The following ZNF407 variants were observed in gnomAD, a reference collection of about 807,000 sequenced individuals.
ZNF407 encodes the protein zinc finger protein 407.
Under a neutral mutation model 131.2 loss-of-function variants are expected in ZNF407, and 17 were observed. The observed-to-expected ratio is 0.13, with a 90% CI of 0.09 to 0.19. ZNF407 has a LOEUF of 0.19. Ranked by LOEUF, ZNF407 falls within the 10% of genes least tolerant of loss-of-function variation. The probability of loss-of-function intolerance (pLI) is 1.00; values close to 1 mark genes in which losing one functional copy is unlikely to be tolerated. For synonymous variants in ZNF407, 1,156 were observed against 1,062.0 expected (o/e 1.09, Z -1.72); for missense variants, 2,681 against 2,830.6 (o/e 0.95, Z 1.20).
chr18:75,065,339 G>T lies in ZNF407; in HGVS notation c.*871G>T, dbSNP rs1307639619. ...GTTTGTTCATATTGATGCCATTTTT[G>T]CAGGATTTCTTCGTGATTTCTGTCC... On this transcript the variant is annotated 3_prime_UTR_variant, in exon 9 of 9. Transcript: ENST00000299687. 1 of 152,110 alleles carries T rather than the reference G, an allele frequency of 6.6e-6. No homozygotes were observed. The highest frequency in any genetic ancestry group is 1.5e-5 in the Non-Finnish European group (1 of 68,016). 9.4% of individuals were successfully genotyped at this position (152,110 alleles called of 1,614,324 possible).
At chr18:74,749,381 G>A (rs1344294401) in intron 3 of ZNF407, among the ~76,000 whole-genome samples, 2 of 152,078 alleles carry the variant, frequency 1.3e-5, no homozygotes, top group Non-Finnish European at 2.9e-5. Context: ...GTTGGGTATG[G>A]CCTGTATCAA....
chr18:74,612,686 G>T (rs1207524485), intron 1 of ZNF407, among the ~76,000 whole-genome samples: 3 of 152,200 alleles, frequency 2.0e-5, no homozygotes, highest in Admixed American at 1.3e-4. Flanking sequence ...GAGTTTATAT[G>T]CCATTAAATG....
At chr18:74,648,023 A>G (rs925710812) in intron 3 of ZNF407, among the ~76,000 whole-genome samples, 1 of 152,168 alleles carries the variant, frequency 6.6e-6, no homozygotes, top group African/African-American at 2.4e-5. Context: ...TCTGAAGTGT[A>G]TGTGACTAAC....
intron 8 of ZNF407, among the ~76,000 whole-genome samples, chr18:74,972,265 C>T (rs973772867): frequency 6.6e-6 from 1 of 152,188 alleles, no homozygotes; most frequent in Non-Finnish European, 1.5e-5. Context: ...TTTTACTTTA[C>T]TAATTTTACT....
chr18:75,026,402 CATCTT>C (rs1377851977), intron 8 of ZNF407, among the ~76,000 whole-genome samples: 59 of 152,332 alleles, frequency 3.9e-4, no homozygotes, highest in African/African-American at 1.4e-3. Flanking sequence ...TATTTGCACA[CATCTT>C]ATCCCCTGAA....
intron 1 of ZNF407, among the ~76,000 whole-genome samples, chr18:74,601,329 CTGTG>C (rs60358173): frequency 0.15 from 22,049 of 144,340 alleles, 1,644 homozygotes; most frequent in Non-Finnish European, 0.18. Flanking sequence ...GTGTGTATGT[CTGTG>C]TGTGTGTGTG....
chr18:74,699,174 T>A (rs1967433211), intron 3 of ZNF407, among the ~76,000 whole-genome samples: 1 of 152,108 alleles, frequency 6.6e-6, no homozygotes, highest in Non-Finnish European at 1.5e-5. Context: ...TTCCTGTGAG[T>A]AAACAAATAT....
At chr18:74,983,059 C>G (rs1276564835) in intron 8 of ZNF407, among the ~76,000 whole-genome samples, 2 of 152,172 alleles carry the variant, frequency 1.3e-5, no homozygotes, top group Admixed American at 1.3e-4. Flanking sequence ...AAAAACCAAG[C>G]CAACTAGTTA....
chr18:75,052,659 C>T (rs924871664), intron 8 of ZNF407, among the ~76,000 whole-genome samples: 1 of 152,198 alleles, frequency 6.6e-6, no homozygotes, highest in Non-Finnish European at 1.5e-5. Context: ...AGGCGTCAGC[C>T]GCCTGATAGA....
chr18:74,624,200 T>C (rs1313272127), intron 1 of ZNF407, among the ~76,000 whole-genome samples: 1 of 152,146 alleles, frequency 6.6e-6, no homozygotes, highest in African/African-American at 2.4e-5. Flanking sequence ...GGCTTTCTGG[T>C]TCATGATAAG....
At chr18:75,025,131 T>C (rs1973156579) in intron 8 of ZNF407, among the ~76,000 whole-genome samples, 2 of 152,192 alleles carry the variant, frequency 1.3e-5, no homozygotes, top group African/African-American at 4.8e-5. Context: ...AAGCTAAAAC[T>C]CAAGATCAAT....
At position 75,047,721 on chromosome 18, in the gene ZNF407, C is replaced by T. The variant is rs531887631; in HGVS notation, c.5429-15429C>T. 5.9e-5 allele frequency among the ~76,000 whole-genome samples: 9 copies of T among 152,342 alleles called. No individual in the cohort carries two copies. The East Asian group carries it at 1.5e-3, about 26-fold the overall frequency. ...CACCAGCGTAATGCAAACGTACAAG[C>T]ACAGTAATCAAATGGACATATATAA... On this transcript the variant is annotated intron_variant, in intron 8 of 8. Coordinates refer to ENST00000299687, the MANE Select transcript of ZNF407 (RefSeq NM_017757.3).
intron 8 of ZNF407, among the ~76,000 whole-genome samples, chr18:75,041,091 C>G (rs1475432441): frequency 6.6e-6 from 1 of 152,202 alleles, no homozygotes; most frequent in Non-Finnish European, 1.5e-5. Flanking sequence ...CTAATACTCG[C>G]AGTATCCCGC....
chr18:74,916,629 A>AGTGTGT (rs111309427), intron 7 of ZNF407, among the ~76,000 whole-genome samples: 14 of 59,484 alleles, frequency 2.4e-4, no homozygotes, highest in African/African-American at 8.7e-4. Flanking sequence ...TCGAATCGGG[A>AGTGTGT]GTGTGTGTGT....
chr18:74,810,297 A>G (rs1211360461), intron 4 of ZNF407, among the ~76,000 whole-genome samples: 1 of 151,918 alleles, frequency 6.6e-6, no homozygotes, highest in Non-Finnish European at 1.5e-5. Context: ...TTGTGTGGAT[A>G]TTTTAAATCT....
chr18:74,769,867 C>G, intron 3 of ZNF407, among the ~76,000 whole-genome samples: 1 of 152,124 alleles, frequency 6.6e-6, no homozygotes, highest in African/African-American at 2.4e-5. Context: ...AAAAATAATG[C>G]AGCAGACACC....
At chr18:74,733,275 C>T (rs538226402) in intron 3 of ZNF407, among the ~76,000 whole-genome samples, 12 of 152,256 alleles carry the variant, frequency 7.9e-5, no homozygotes, top group African/African-American at 2.9e-4. Context: ...GCCTGAACCT[C>T]TTTCTATACT....
rs763287789 is a variant in ZNF407 at position 74,897,483 on chromosome 18, G to A, written c.5249+7445G>A. 3.9e-5 allele frequency among the ~76,000 whole-genome samples: 6 copies of A among 152,074 alleles called. No individual in the cohort carries two copies. The South Asian group carries it at 6.2e-4, about 16-fold the overall frequency. ...TTATTAAACCTGCTGTTGTTGAATCGCAAATCCAGTCATTATAAAAGGACC... is the reference window on the plus strand; with the variant it reads ...TTATTAAACCTGCTGTTGTTGAATCACAAATCCAGTCATTATAAAAGGACC... On this transcript the variant is annotated intron_variant, in intron 7 of 8. Transcript: ENST00000299687.
At chr18:74,675,823 C>T (rs1412334346) in intron 3 of ZNF407, among the ~76,000 whole-genome samples, 1 of 152,152 alleles carries the variant, frequency 6.6e-6, no homozygotes, top group Non-Finnish European at 1.5e-5. Flanking sequence ...CCACTCATTT[C>T]CCTCCCAGTG....
Sources: allele counts gnomAD v4.1 joint callset (sites outside exome capture counted in the v4.1 genomes callset), GRCh38; gene constraint gnomAD v4.1.1; transcripts MANE v1.5; gene names NCBI Gene and HGNC (gene_info 2026-07-23, HGNC 2026-07-21).